The following TRAP1 variants were observed in gnomAD, a reference collection of about 807,000 sequenced individuals.
TRAP1 encodes the protein TNF receptor associated protein 1, also known as heat shock protein 75 kDa, mitochondrial.
TRAP1 carries 102 observed loss-of-function variants against 89.1 expected under a neutral mutation model. The observed-to-expected ratio is 1.15, with a 90% CI of 0.98 to 1.35. The LOEUF is 1.35. Ranked by LOEUF, TRAP1 falls within the 40% of genes most tolerant of loss-of-function variation. The probability of loss-of-function intolerance (pLI) is 0.00; values close to 1 mark genes in which losing one functional copy is unlikely to be tolerated. For missense variants in TRAP1, 1,256 were observed against 945.3 expected (o/e 1.33, Z -4.31); for synonymous variants, 508 against 388.0 (o/e 1.31, Z -3.64).
intron 1 of TRAP1, among the ~76,000 whole-genome samples, chr16:3,701,358 C>T (rs2051362123): frequency 6.6e-6 from 1 of 152,048 alleles, no homozygotes. Flanking sequence ...GAGATCTTAA[C>T]ACTCCTCTCT....
At chr16:3,682,837 A>C (rs569314528) in intron 4 of TRAP1, among the ~76,000 whole-genome samples, 3 of 152,124 alleles carry the variant, frequency 2.0e-5, no homozygotes, top group Non-Finnish European at 2.9e-5. Flanking sequence ...CCCAACCTGG[A>C]GACGGAAGAA....
At chr16:3,710,405 ACAC>A (rs2051512990) in intron 1 of TRAP1, 2 of 152,354 alleles carry the variant, frequency 1.3e-5, no homozygotes, top group Admixed American at 6.5e-5. Flanking sequence ...TGATGTGGGG[ACAC>A]TTCATAGACG....
intron 1 of TRAP1, among the ~76,000 whole-genome samples, chr16:3,715,168 G>T (rs1208443401): frequency 6.6e-6 from 1 of 152,260 alleles, no homozygotes; most frequent in African/African-American, 2.4e-5. Flanking sequence ...GCTGGGCACA[G>T]CGGCTCACGC....
chr16:3,677,197 C>T (rs2151257746), intron 6 of TRAP1, among the ~76,000 whole-genome samples: 1 of 152,240 alleles, frequency 6.6e-6, no homozygotes, highest in Middle Eastern at 3.4e-3. Context: ...CAGGAGGCTG[C>T]ATAGTGTCCA....
At chr16:3,689,198 G>A (rs937426181) in intron 2 of TRAP1, 61 bp from the exon 3 acceptor site, 45 of 1,354,656 alleles carry the variant, frequency 3.3e-5, no homozygotes, top group Non-Finnish European at 4.1e-5. Flanking sequence ...GCAAGAATAC[G>A]CTACGTCACA....
intron 1 of TRAP1, among the ~76,000 whole-genome samples, chr16:3,716,574 C>G (rs939795542): frequency 5.9e-5 from 9 of 152,128 alleles, no homozygotes; most frequent in Non-Finnish European, 1.2e-4. Context: ...ATGCTGGGAG[C>G]GTTAAAATTT....
At chr16:3,689,741 G>C (rs2051187601) in intron 2 of TRAP1, 1 of 152,458 alleles carries the variant, frequency 6.6e-6, no homozygotes, top group Non-Finnish European at 1.5e-5. Flanking sequence ...TCAGGGGGCT[G>C]AGGTGGGAGG....
At chr16:3,695,466 G>A (rs1392090820) in intron 1 of TRAP1, among the ~76,000 whole-genome samples, 2 of 151,426 alleles carry the variant, frequency 1.3e-5, no homozygotes, top group Admixed American at 6.6e-5. Context: ...AACACAGGAG[G>A]TGGAGGTTGC....
At chr16:3,661,092 T>C (rs2043049070) in intron 16 of TRAP1, 1 of 152,132 alleles carries the variant, frequency 6.6e-6, no homozygotes, top group Admixed American at 6.5e-5. Context: ...ATATACAAGT[T>C]AGTTCATATA....
rs1474018476 is a variant in TRAP1 at position 3,663,225 on chromosome 16, G to A, written c.1708+199C>T. The A allele has an allele frequency of 2.1e-5, 15 of 721,806 alleles. 1 individual carries two copies. The highest frequency in any genetic ancestry group is 3.3e-5 in the Non-Finnish European group (15 of 449,946). The allele number at this position is 721,806 out of a possible 1,614,324, so 44.7% of individuals were successfully genotyped here. A position where few individuals can be genotyped will look rare whatever the true frequency, so the allele number is the denominator to read the frequency against. On this transcript the variant is annotated intron_variant, in intron 14 of 17. Coordinates refer to ENST00000246957, the MANE Select transcript of TRAP1 (RefSeq NM_016292.3). ...GCCAGCTCCAGAAGCCACCGTGGCA[G>A]GAGCACTGGACAGACCCCTGATATC...
At chr16:3,688,975 C>G (rs2051174835) in intron 3 of TRAP1, 80 bp downstream of exon 3, 6 of 1,299,476 alleles carry the variant, frequency 4.6e-6, no homozygotes, top group Non-Finnish European at 6.5e-6. Flanking sequence ...TATTATCTGG[C>G]AATTCTCCAG....
intron 1 of TRAP1, among the ~76,000 whole-genome samples, chr16:3,693,829 C>CA (rs1345794512): frequency 3.3e-5 from 5 of 151,840 alleles, no homozygotes; most frequent in South Asian, 2.1e-4. Flanking sequence ...TCCATCTCTG[C>CA]AAAAAACACA....
At chr16:3,667,881 C>G (rs2050858341) in intron 11 of TRAP1, among the ~76,000 whole-genome samples, 1 of 149,226 alleles carries the variant, frequency 6.7e-6, no homozygotes, top group African/African-American at 2.5e-5. Flanking sequence ...GCCTCAGCCT[C>G]CCAAGTAGCT....
At chr16:3,675,963 A>T (rs2151256290) in intron 7 of TRAP1, 73 bp downstream of exon 7, 2 of 1,322,980 alleles carry the variant, frequency 1.5e-6, no homozygotes, top group South Asian at 1.3e-5. Flanking sequence ...ACCAGGGAAA[A>T]TGCCTGCTGA....
chr16:3,677,522 A>C lies in TRAP1; in HGVS notation c.680T>G (p.Leu227Arg), dbSNP rs1165991850. ...CCCATCTGAAAGCCACTGGTAACCC[A>C]GGCTCCCCGGGGCTGCCGAGCGGGA... is the stretch of plus-strand genomic sequence containing the variant. ...VYSRSAAPGS[L>R]GYQWLSDGSG... is the part of the protein sequence containing the mutation. Residue 227 changes from leucine (L) to arginine (R), a missense_variant, in exon 6 of 18, where the codon CTG (leucine) becomes CGG (arginine). Leu to Arg is a moderately radical substitution (Grantham distance 102). Transcript: ENST00000246957. The C allele has an allele frequency of 1.2e-6, 2 of 1,614,052 alleles. No homozygotes were observed. The highest frequency in any genetic ancestry group is 8.5e-7 in the Non-Finnish European group (1 of 1,180,048).
At chr16:3,683,655 G>A (rs1401152599) in intron 4 of TRAP1, among the ~76,000 whole-genome samples, 2 of 151,596 alleles carry the variant, frequency 1.3e-5, no homozygotes, top group Admixed American at 6.6e-5. Context: ...CAAAGTGCTG[G>A]GATTACAAGC....
chr16:3,665,407 A>G (rs1347965206), intron 12 of TRAP1: 1 of 153,128 alleles, frequency 6.5e-6, no homozygotes, highest in Non-Finnish European at 1.5e-5. Context: ...TAAAAGGTGA[A>G]TTCTGTGAAT....
At chr16:3,679,904 A>C in intron 4 of TRAP1, 114 bp from the exon 5 acceptor site, 1 of 916,070 alleles carries the variant, frequency 1.1e-6, no homozygotes, top group South Asian at 1.4e-5. Flanking sequence ...GACAGGGCCC[A>C]GCCAGGTAGC....
intron 8 of TRAP1, chr16:3,675,047 TGAACACCATGGCTGCACA>T (rs1316086208): frequency 2.2e-6 from 1 of 459,526 alleles, no homozygotes; most frequent in African/African-American, 2.0e-5. Flanking sequence ...GTGGCTGCAC[TGAACACCATGGCTGCACA>T]CTGATGTGGT....
Sources: allele counts gnomAD v4.1 joint callset (sites outside exome capture counted in the v4.1 genomes callset), GRCh38; gene constraint gnomAD v4.1.1; transcripts MANE v1.5; gene names NCBI Gene and HGNC (gene_info 2026-07-23, HGNC 2026-07-21).